The following EYS variants were observed in gnomAD, a reference collection of about 807,000 sequenced individuals.
The protein encoded by EYS is protein eyes shut homolog.
EYS carries 250 observed loss-of-function variants against 282.1 expected under a neutral mutation model. The ratio of observed to expected loss-of-function variants is 0.89; its 90% CI spans 0.80 to 0.98. The LOEUF (loss-of-function observed/expected upper bound fraction) is 0.98. Ranked by LOEUF, EYS falls within the 50% of genes least tolerant of loss-of-function variation. The pLI is 0.00. For synonymous variants in EYS, 1,355 were observed against 1,282.9 expected, an observed-to-expected ratio of 1.06 and a Z score of -1.20; for missense variants, 4,016 against 3,709.0, an observed-to-expected ratio of 1.08 and a Z score of -2.15.
intron 4 of EYS, chr6:65,491,686 GC>G (rs1187849165): frequency 5.7e-6 from 2 of 348,470 alleles, no homozygotes; most frequent in Non-Finnish European, 1.1e-5. Flanking sequence ...ACAGTATAAT[GC>G]CAATAGGCCA....
rs1309735500 is a variant in EYS, at chr6:64,403,211, G to T, written c.5928-14371C>A. On this transcript the variant is annotated intron_variant, in intron 28 of 42. Transcript: ENST00000503581. ...AAAAAGAAAACACCAAGAGAACTAG[G>T]TTAATTTAGCATACATTTATATTTT... 4.6e-5 allele frequency among the ~76,000 whole-genome samples: 7 copies of T among 151,550 alleles called. No individual in the cohort carries two copies. In the East Asian group the frequency reaches 5.8e-4, roughly 13 times the overall value.
chr6:64,940,530 T>A (rs1255560042), intron 15 of EYS, among the ~76,000 whole-genome samples: 2 of 152,048 alleles, frequency 1.3e-5, no homozygotes. Context: ...GTTTATTATT[T>A]CTCCTAATAT....
At chr6:65,324,994 G>A (rs1769580428) in intron 11 of EYS, among the ~76,000 whole-genome samples, 1 of 152,178 alleles carries the variant, frequency 6.6e-6, no homozygotes, top group Non-Finnish European at 1.5e-5. Flanking sequence ...ATTAGCAGGT[G>A]GTGGAAGAGC....
intron 22 of EYS, among the ~76,000 whole-genome samples, chr6:64,678,540 T>C (rs780273861): frequency 6.6e-6 from 1 of 152,300 alleles, no homozygotes; most frequent in East Asian, 1.9e-4. Context: ...ATAGGGTGAC[T>C]GCACTCCAGC....
At chr6:64,980,140 T>C (rs938686421) in intron 14 of EYS, among the ~76,000 whole-genome samples, 2 of 151,504 alleles carry the variant, frequency 1.3e-5, no homozygotes, top group African/African-American at 4.8e-5. Flanking sequence ...TAATAAAAAA[T>C]GTGCTGCAAG....
chr6:64,033,467 GA>G (rs1315312534), intron 33 of EYS, among the ~76,000 whole-genome samples: 1 of 152,036 alleles, frequency 6.6e-6, no homozygotes, highest in Non-Finnish European at 1.5e-5. Context: ...CTCTGAACCT[GA>G]AAAAGAGTAC....
chr6:64,276,512 C>T (rs957060550), intron 30 of EYS, among the ~76,000 whole-genome samples: 1 of 152,060 alleles, frequency 6.6e-6, no homozygotes, highest in African/African-American at 2.4e-5. Context: ...CTACTCTGAA[C>T]TTAAATTGGA....
intron 36 of EYS, among the ~76,000 whole-genome samples, chr6:63,815,316 G>C (rs547466513): frequency 1.2e-4 from 18 of 152,160 alleles, no homozygotes; most frequent in Non-Finnish European, 2.5e-4. Context: ...AAGTCACAGA[G>C]CTAAGAAATG....
intron 12 of EYS, among the ~76,000 whole-genome samples, chr6:65,223,986 C>G (rs934524603): frequency 1.3e-5 from 2 of 152,148 alleles, no homozygotes; most frequent in African/African-American, 4.8e-5. Flanking sequence ...AGTGTCCTGT[C>G]TCACTAGACT....
intron 13 of EYS, among the ~76,000 whole-genome samples, chr6:64,998,236 A>G (rs988934882): frequency 4.6e-5 from 7 of 152,214 alleles, no homozygotes; most frequent in African/African-American, 1.7e-4. Flanking sequence ...TAATGATCAC[A>G]ATTTGTTCTT....
rs1245770502 is a variant in EYS at position 65,353,565 on chromosome 6, A to G, written c.1352T>C (p.Val451Ala). 1 of 1,613,112 alleles carries G rather than the reference A, an allele frequency of 6.2e-7. No individual in the cohort carries two copies. The highest frequency in any genetic ancestry group is 8.5e-7 in the Non-Finnish European group (1 of 1,179,332). ...TKNPCWFLKNVYLIHQHLCYC... is the reference protein window; with the variant it reads ...TKNPCWFLKNAYLIHQHLCYC... ...GCAGAGGTGTTGATGAATTAGGTAA[A>G]CATTCTTCAAAAACCAACATGGATT... Residue 451 changes from valine to alanine, a missense_variant, in exon 9 of 43, where the codon GTT becomes GCT. Val to Ala is a moderately conservative substitution (Grantham distance 64, BLOSUM62 0). Coordinates refer to ENST00000503581, the MANE Select transcript of EYS (RefSeq NM_001142800.2).
At chr6:65,411,510 T>A (rs1767010366) in intron 5 of EYS, among the ~76,000 whole-genome samples, 2 of 152,070 alleles carry the variant, frequency 1.3e-5, no homozygotes, top group South Asian at 4.1e-4. Context: ...AATATTTGGG[T>A]ATAGTTCTAT....
intron 35 of EYS, among the ~76,000 whole-genome samples, chr6:63,951,182 GT>G: frequency 6.6e-6 from 1 of 152,138 alleles, no homozygotes; most frequent in African/African-American, 2.4e-5. Flanking sequence ...CTTAGCCTGT[GT>G]TTTCAAGAAC....
At chr6:65,447,480 CAAGAGCACT>C (rs1768718180) in intron 5 of EYS, among the ~76,000 whole-genome samples, 1 of 150,900 alleles carries the variant, frequency 6.6e-6, no homozygotes, top group South Asian at 2.1e-4. Context: ...TCTTTCAAAA[CAAGAGCACT>C]TTCCCAGATC....
At chr6:64,352,005 A>G (rs73764070) in intron 29 of EYS, among the ~76,000 whole-genome samples, 3 of 151,566 alleles carry the variant, frequency 2.0e-5, no homozygotes, top group African/African-American at 4.8e-5. Context: ...TTTAAACTTC[A>G]GTCATTCACA....
intron 26 of EYS, among the ~76,000 whole-genome samples, chr6:64,463,815 C>T (rs1476801034): frequency 2.0e-5 from 3 of 152,048 alleles, no homozygotes; most frequent in Non-Finnish European, 4.4e-5. Flanking sequence ...TCTTATCAAA[C>T]AAAATCCCCG....
At chr6:65,081,417 G>A (rs756175588) in intron 12 of EYS, among the ~76,000 whole-genome samples, 7 of 151,850 alleles carry the variant, frequency 4.6e-5, no homozygotes, top group Non-Finnish European at 5.9e-5. Context: ...TCTAATTCTT[G>A]TAATGGCCAT....
intron 15 of EYS, among the ~76,000 whole-genome samples, chr6:64,922,107 G>A (rs1768362515): frequency 6.6e-6 from 1 of 152,182 alleles, no homozygotes; most frequent in South Asian, 2.1e-4. Flanking sequence ...AGGAAAATCA[G>A]CAGTCCTGTT....
chr6:65,358,653 G>C (rs944405613), intron 8 of EYS, among the ~76,000 whole-genome samples: 1 of 148,490 alleles, frequency 6.7e-6, no homozygotes, highest in East Asian at 2.0e-4. Context: ...GAGAAGGGGG[G>C]ATTTAGTTAC....
Sources: allele counts gnomAD v4.1 joint callset (sites outside exome capture counted in the v4.1 genomes callset), GRCh38; gene constraint gnomAD v4.1.1; transcripts MANE v1.5; gene names NCBI Gene and HGNC (gene_info 2026-07-23, HGNC 2026-07-21).